VWA8: variants seen among roughly 807,000 people sequenced by gnomAD.
The protein encoded by VWA8 is von Willebrand factor A domain-containing protein 8.
A neutral mutation model predicts 241.5 loss-of-function variants in VWA8; 221 were observed. The ratio of observed to expected loss-of-function variants is 0.91; its 90% CI spans 0.82 to 1.02. VWA8 has a LOEUF of 1.02. VWA8 is among the 50% of genes least tolerant of loss of function. The probability of loss-of-function intolerance (pLI) is 0.00; values close to 1 mark genes in which losing one functional copy is unlikely to be tolerated. For synonymous variants in VWA8, 852 were observed against 827.1 expected (o/e 1.03, Z -0.52); for missense variants, 2,322 against 2,328.7 (o/e 1.00, Z 0.06).
At chr13:41,630,327 A>G (rs996346907) in intron 37 of VWA8, among the ~76,000 whole-genome samples, 4 of 151,752 alleles carry the variant, frequency 2.6e-5, no homozygotes, top group Admixed American at 1.3e-4. Flanking sequence ...CAACCTCCCT[A>G]TACCAACCCA....
chr13:41,602,782 G>A (rs535634109), intron 40 of VWA8, among the ~76,000 whole-genome samples: 1 of 152,242 alleles, frequency 6.6e-6, no homozygotes, highest in African/African-American at 2.4e-5. Context: ...TGCAGAGAAT[G>A]ACAATAATGA....
chr13:41,615,075 T>C lies in VWA8; in HGVS notation c.4621A>G (p.Asn1541Asp). Reference sequence around the variant, plus strand: ...CTTACATCTTCACCACTGTCTCTGTTGATTGTTATCTAAAAATGAACAATT... The same window carrying C: ...CTTACATCTTCACCACTGTCTCTGTCGATTGTTATCTAAAAATGAACAATT... ...QDDRNMQITI[N>D]RDSGEDVSSP... Residue 1541 changes from asparagine to aspartate, a missense_variant, in exon 38 of 45, where the codon AAC becomes GAC. Asn to Asp is a conservative substitution (Grantham distance 23, BLOSUM62 1). Coordinates refer to ENST00000379310, the MANE Select transcript of VWA8 (RefSeq NM_015058.2). The C allele has an allele frequency of 6.2e-7, 1 of 1,613,966 alleles. No homozygotes were observed. Among genetic ancestry groups the C allele is most frequent in the Non-Finnish European group, 8.5e-7 (1 of 1,179,924 alleles).
chr13:41,912,245 A>C, intron 2 of VWA8, 77 bp from the exon 3 acceptor site: 1 of 1,104,592 alleles, frequency 9.1e-7, no homozygotes, highest in Non-Finnish European at 1.2e-6. Context: ...ATGTGGACAT[A>C]TTTATATATA....
chr13:41,898,418 G>A (rs1370709271), intron 4 of VWA8, among the ~76,000 whole-genome samples: 3 of 152,206 alleles, frequency 2.0e-5, no homozygotes, highest in Admixed American at 6.5e-5. Context: ...CACAAACCCT[G>A]AGCTAGACAC....
chr13:41,633,182 T>A (rs930027828), intron 37 of VWA8, among the ~76,000 whole-genome samples: 1 of 152,238 alleles, frequency 6.6e-6, no homozygotes, highest in African/African-American at 2.4e-5. Flanking sequence ...ATACATTTTT[T>A]GAAGAAATAT....
chr13:41,715,844 CTTGT>C (rs1174009363), intron 26 of VWA8, among the ~76,000 whole-genome samples: 1 of 151,982 alleles, frequency 6.6e-6, no homozygotes, highest in East Asian at 1.9e-4. Flanking sequence ...CATCAATTGT[CTTGT>C]TTCTCTATAG....
intron 29 of VWA8, among the ~76,000 whole-genome samples, chr13:41,695,256 G>C (rs1331006363): frequency 2.0e-5 from 3 of 152,076 alleles, no homozygotes; most frequent in Admixed American, 2.0e-4. Flanking sequence ...CATGGGGAGT[G>C]GGGGAAGGGG....
chr13:41,784,016 A>G, intron 18 of VWA8, 115 bp from the exon 19 acceptor site: 1 of 707,488 alleles, frequency 1.4e-6, no homozygotes, highest in Non-Finnish European at 2.4e-6. Context: ...TTAATTTAAC[A>G]TCTAAAGAAA....
At chr13:41,882,480 C>A (rs191503773) in intron 9 of VWA8, among the ~76,000 whole-genome samples, 1 of 152,062 alleles carries the variant, frequency 6.6e-6, no homozygotes, top group Non-Finnish European at 1.5e-5. Context: ...TGTAGCGAGC[C>A]GAGATCACAC....
chr13:41,728,180 T>C (rs117876692), intron 23 of VWA8, among the ~76,000 whole-genome samples: 2,019 of 152,164 alleles, frequency 0.013, 23 homozygotes, highest in Middle Eastern at 0.054. Flanking sequence ...AAAAGTAATC[T>C]TTCAGCATGT....
intron 21 of VWA8, among the ~76,000 whole-genome samples, chr13:41,734,546 C>T (rs1358413242): frequency 6.6e-6 from 1 of 152,188 alleles, no homozygotes; most frequent in Non-Finnish European, 1.5e-5. Flanking sequence ...AACAGGTACG[C>T]TGGCAATACA....
intron 42 of VWA8, among the ~76,000 whole-genome samples, chr13:41,580,687 A>G (rs1272455419): frequency 2.0e-5 from 3 of 152,232 alleles, no homozygotes; most frequent in Non-Finnish European, 4.4e-5. Context: ...TAAAACAGCT[A>G]TAAGAAACAG....
At chr13:41,618,366 G>T (rs542828174) in intron 37 of VWA8, among the ~76,000 whole-genome samples, 41 of 152,296 alleles carry the variant, frequency 2.7e-4, no homozygotes, top group African/African-American at 9.6e-4. Flanking sequence ...TGTAGATTCT[G>T]GATATTAGCC....
rs546573149 is a variant in VWA8, at chr13:41,946,125, G to GA, written c.241+3810dup. ...AGTAAGAAGACATATTCAAAGTGCT[G>GA]AAAAAAAAAAACCTGTCAACCAAGA... is the stretch of plus-strand genomic sequence containing the variant. On this transcript the variant is annotated intron_variant, in intron 2 of 44. Coordinates refer to ENST00000379310, the MANE Select transcript of VWA8 (RefSeq NM_015058.2). Among the ~76,000 whole-genome samples, 389 of 136,646 alleles carry GA rather than the reference G, an allele frequency of 2.8e-3. 1 individual carries two copies. Among genetic ancestry groups the GA allele is most frequent in the African/African-American group, 7.9e-3 (298 of 37,612 alleles). The allele number at this position is 136,646 out of a possible 152,430, so 89.6% of individuals were successfully genotyped here.
intron 26 of VWA8, chr13:41,719,236 T>C (rs1014124925): frequency 3.5e-5 from 20 of 579,426 alleles, no homozygotes; most frequent in Admixed American, 6.1e-5. Flanking sequence ...ATCAACTAAA[T>C]GTACATTATC....
intron 4 of VWA8, among the ~76,000 whole-genome samples, chr13:41,905,523 A>G (rs946550354): frequency 1.3e-5 from 2 of 152,114 alleles, no homozygotes; most frequent in Non-Finnish European, 2.9e-5. Flanking sequence ...ATTTTAATGT[A>G]AGAACTTTGA....
chr13:41,602,872 T>G (rs2139654990), intron 40 of VWA8, among the ~76,000 whole-genome samples: 1 of 152,276 alleles, frequency 6.6e-6, no homozygotes, highest in South Asian at 2.1e-4. Flanking sequence ...AGTAAATGCT[T>G]GCTATTATTA....
intron 43 of VWA8, among the ~76,000 whole-genome samples, chr13:41,573,258 C>G (rs1350674950): frequency 6.7e-6 from 1 of 149,900 alleles, no homozygotes; most frequent in Non-Finnish European, 1.5e-5. Context: ...AGATACAAAA[C>G]AAAACAAAAA....
At chr13:41,959,579 A>C (rs887019062) in intron 1 of VWA8, among the ~76,000 whole-genome samples, 1 of 149,054 alleles carries the variant, frequency 6.7e-6, no homozygotes, top group African/African-American at 2.4e-5. Flanking sequence ...TCAATGAATA[A>C]AACGAAATAC....
Sources: gnomAD v4.1 joint callset for allele counts (sites outside exome capture counted in the v4.1 genomes callset) on GRCh38, gnomAD v4.1.1 for gene constraint, MANE v1.5 for transcripts, NCBI Gene and HGNC (gene_info 2026-07-23, HGNC 2026-07-21) for gene names.